FOXO1: variants seen among roughly 807,000 people sequenced by gnomAD.
The protein encoded by FOXO1 is forkhead box O1.
In FOXO1, 6 loss-of-function variants were observed where a neutral mutation model predicts 44.1. That is an observed-to-expected ratio of 0.14 (90% CI 0.07 to 0.27). The LOEUF (loss-of-function observed/expected upper bound fraction) is 0.27. FOXO1 is among the 10% of genes least tolerant of loss of function. The pLI, the probability that FOXO1 is intolerant of heterozygous loss-of-function variation, is 1.00. For synonymous variants in FOXO1, 380 were observed against 362.7 expected (o/e 1.05, Z -0.54); for missense variants, 737 against 888.8 (o/e 0.83, Z 2.17).
At position 40,666,189 on chromosome 13, in the gene FOXO1, C is replaced by T. The variant is rs747323781; in HGVS notation, c.24G>A (p.Val8=). The T allele has an allele frequency of 2.2e-5, 32 of 1,452,390 alleles. 2 individuals are homozygous for T. The South Asian group carries it at 4.2e-4, about 19-fold the overall frequency. 90.0% of individuals were successfully genotyped at this position (1,452,390 alleles called of 1,614,324 possible). A position where few individuals can be genotyped will look rare whatever the true frequency, so the allele number is the denominator to read the frequency against. Residue 8 remains valine, a synonymous_variant, in exon 1 of 3, where the codon GTG becomes GTA. Coordinates refer to ENST00000379561, the MANE Select transcript of FOXO1 (RefSeq NM_002015.4). ...GCGGCTCGAAGTCCGGGTCGATCTC[C>T]ACCACCTGAGGCGCCTCGGCCATGG... is the stretch of plus-strand genomic sequence containing the variant. MAEAPQV[V]EIDPDFEPLP... is the part of the protein sequence containing the mutation.
chr13:40,570,456 C>T (rs1874446599), intron 1 of FOXO1, among the ~76,000 whole-genome samples: 1 of 152,130 alleles, frequency 6.6e-6, no homozygotes, highest in South Asian at 2.1e-4. Flanking sequence ...AAGGGGGCCA[C>T]CACTAGCCCA....
chr13:40,637,375 C>T (rs1223555567), intron 1 of FOXO1, among the ~76,000 whole-genome samples: 2 of 129,014 alleles, frequency 1.6e-5, no homozygotes, highest in Non-Finnish European at 3.1e-5. Context: ...ACCCGGGAGG[C>T]GGAGGTTGCA....
chr13:40,618,679 T>C (rs558830176), intron 1 of FOXO1: 38 of 385,874 alleles, frequency 9.8e-5, no homozygotes, highest in Middle Eastern at 1.0e-3. Flanking sequence ...GAAGGATGGA[T>C]ACCATGGCAT....
At chr13:40,659,010 T>A (rs1366403659) in intron 1 of FOXO1, among the ~76,000 whole-genome samples, 1 of 149,888 alleles carries the variant, frequency 6.7e-6, no homozygotes, top group Non-Finnish European at 1.5e-5. Flanking sequence ...AGACTCCATC[T>A]CAAAAAAGAA....
chr13:40,612,590 CACA>C (rs991877894), intron 1 of FOXO1, among the ~76,000 whole-genome samples: 5 of 152,192 alleles, frequency 3.3e-5, no homozygotes, highest in African/African-American at 7.2e-5. Context: ...TCATCCCAGG[CACA>C]ACATTTCTTG....
intron 1 of FOXO1, among the ~76,000 whole-genome samples, chr13:40,584,951 C>T (rs1266394273): frequency 2.6e-5 from 4 of 152,182 alleles, no homozygotes; most frequent in Admixed American, 6.5e-5. Context: ...TTCAGTTCTA[C>T]TATTCTAAGA....
chr13:40,575,087 T>A (rs2137842441), intron 1 of FOXO1, among the ~76,000 whole-genome samples: 1 of 152,022 alleles, frequency 6.6e-6, no homozygotes, highest in East Asian at 1.9e-4. Context: ...ATCCCAGCAC[T>A]TTCGGAGGCA....
Position 40,666,027 on chromosome 13 carries a change from C to A in FOXO1, c.186G>T (p.Ser62=). 7.8e-7 allele frequency: 1 copy of A among 1,280,968 alleles called. No homozygotes were observed. The highest frequency in any genetic ancestry group is 2.6e-5 in the South Asian group (1 of 38,718). 79.4% of individuals were successfully genotyped at this position (1,280,968 alleles called of 1,614,324 possible). The change falls in exon 1 of 3, where the codon TCG becomes TCT. Residue 62 remains serine, a synonymous_variant. Transcript: ENST00000379561. The part of the protein sequence containing the change: ...PDAAAGLPSA[S]AAAVSADFMS... ...TGAAGTCGGCGCTGACAGCGGCAGC[C>A]GAGGCCGAGGGCAGGCCCGCCGCGG...
At chr13:40,658,230 G>A (rs149651032) in intron 1 of FOXO1, among the ~76,000 whole-genome samples, 17 of 152,276 alleles carry the variant, frequency 1.1e-4, no homozygotes, top group African/African-American at 1.4e-4. Context: ...GGACAGGAGC[G>A]TCTAGGCCTG....
intron 1 of FOXO1, among the ~76,000 whole-genome samples, chr13:40,662,170 C>CAAA (rs57350461): frequency 7.1e-5 from 4 of 56,718 alleles, no homozygotes; most frequent in Admixed American, 2.2e-4. Flanking sequence ...GACTCTGACT[C>CAAA]AAAAAAAAAA....
chr13:40,623,186 CACA>C (rs754565030), intron 1 of FOXO1, among the ~76,000 whole-genome samples: 25 of 151,678 alleles, frequency 1.6e-4, no homozygotes, highest in Non-Finnish European at 2.6e-4. Flanking sequence ...TAAAAAATAA[CACA>C]GCCATTATAT....
intron 1 of FOXO1, among the ~76,000 whole-genome samples, chr13:40,607,923 ACAGATTTTGAACC>A (rs1876079630): frequency 1.3e-5 from 2 of 152,344 alleles, no homozygotes; most frequent in South Asian, 4.1e-4. Flanking sequence ...CACTGCTGAA[ACAGATTTTGAACC>A]CAGATCTCTT....
chr13:40,662,777 T>C (rs1032658674), intron 1 of FOXO1, among the ~76,000 whole-genome samples: 16 of 152,230 alleles, frequency 1.1e-4, no homozygotes, highest in African/African-American at 3.1e-4. Context: ...GGAAATATTT[T>C]GTGCCAAAGC....
At chr13:40,626,288 A>G (rs1405143743) in intron 1 of FOXO1, among the ~76,000 whole-genome samples, 1 of 152,246 alleles carries the variant, frequency 6.6e-6, no homozygotes, top group Non-Finnish European at 1.5e-5. Flanking sequence ...AAAGGATTCA[A>G]TATTCACAAG....
Position 40,560,866 on chromosome 13 carries a change from A to G in FOXO1, c.631-6T>C. 1 of 1,592,058 alleles carries G rather than the reference A, an allele frequency of 6.3e-7. No individual in the cohort carries two copies. Among genetic ancestry groups the G allele is most frequent in the East Asian group, 2.2e-5 (1 of 44,672 alleles). ...AGATTATGACGAATTGAATTCTGTA[A>G]GGCAAAACATCTTATTAGAAGTACA... On this transcript the variant is annotated splice_region_variant and splice_polypyrimidine_tract_variant and intron_variant, in intron 1 of 2. Transcript: ENST00000379561. The surrounding 1 kb of genome is among the most constrained non-coding windows in gnomAD (Gnocchi z 5.1).
At chr13:40,644,438 G>C (rs981473010) in intron 1 of FOXO1, among the ~76,000 whole-genome samples, 2 of 152,170 alleles carry the variant, frequency 1.3e-5, no homozygotes, top group Non-Finnish European at 2.9e-5. Context: ...GAGAAAAGTA[G>C]GGTGGGAGAA....
chr13:40,575,124 G>A (rs940136127), intron 1 of FOXO1, among the ~76,000 whole-genome samples: 2 of 151,854 alleles, frequency 1.3e-5, no homozygotes, highest in Non-Finnish European at 2.9e-5. Context: ...TTGAGCACAG[G>A]AGTTTAAGAC....
intron 1 of FOXO1, among the ~76,000 whole-genome samples, chr13:40,581,559 G>A (rs948702594): frequency 1.3e-5 from 2 of 152,140 alleles, no homozygotes; most frequent in South Asian, 4.1e-4. Flanking sequence ...TCATTAAGCT[G>A]TTATTAGGCT....
chr13:40,647,533 T>A (rs1877550394), intron 1 of FOXO1, among the ~76,000 whole-genome samples: 1 of 152,084 alleles, frequency 6.6e-6, no homozygotes, highest in African/African-American at 2.4e-5. Context: ...GCCTCCCAAA[T>A]AGCTGGGATT....
Sources: gnomAD v4.1 joint callset for allele counts (sites outside exome capture counted in the v4.1 genomes callset) on GRCh38, gnomAD v4.1.1 for gene constraint, Gnocchi (gnomAD v3.1) non-coding constraint, MANE v1.5 for transcripts, NCBI Gene and HGNC (gene_info 2026-07-23, HGNC 2026-07-21) for gene names.